Variants in DYNC2H1 observed in about 807,000 individuals in gnomAD.
DYNC2H1 encodes dynein cytoplasmic 2 heavy chain 1, also known as cytoplasmic dynein 2 heavy chain 1.
A neutral mutation model predicts 570.0 loss-of-function variants in DYNC2H1; 410 were observed. The ratio of observed to expected loss-of-function variants is 0.72; its 90% confidence interval spans 0.66 to 0.78. The LOEUF (loss-of-function observed/expected upper bound fraction) is 0.78. DYNC2H1 is among the 30% of genes least tolerant of loss of function. The probability of loss-of-function intolerance (pLI) is 0.00; values close to 1 mark genes in which losing one functional copy is unlikely to be tolerated. For missense variants in DYNC2H1, 4,865 were observed against 5,046.4 expected (o/e 0.96, Z 1.09); for synonymous variants, 1,688 against 1,677.6 (o/e 1.01, Z -0.15).
At chr11:103,360,107 C>G (rs565658410) in intron 83 of DYNC2H1, among the ~76,000 whole-genome samples, 13 of 152,096 alleles carry the variant, frequency 8.5e-5, no homozygotes, top group African/African-American at 2.9e-4. Flanking sequence ...ATCATAGGAA[C>G]ATTGAAGTAT....
At chr11:103,407,401 C>CTCTG (rs71066153) in intron 84 of DYNC2H1, 2 of 151,352 alleles carry the variant, frequency 1.3e-5, no homozygotes, top group Admixed American at 6.6e-5. Context: ...GGATTTAAAC[C>CTCTG]TTGTTTACTC....
chr11:103,383,849 GATAGGC>G (rs1459356057), intron 83 of DYNC2H1, among the ~76,000 whole-genome samples: 2 of 152,056 alleles, frequency 1.3e-5, no homozygotes, highest in Non-Finnish European at 2.9e-5. Context: ...CCCACAGCTT[GATAGGC>G]ATGTTTTCAT....
chr11:103,256,158 C>A lies in DYNC2H1; in HGVS notation c.10379C>A (p.Ser3460Tyr). Residue 3460 changes from serine (S) to tyrosine (Y), a missense_variant, in exon 68 of 89, where the codon TCT becomes TAT. Physicochemically the swap from Ser to Tyr is moderately radical, Grantham distance 144. Around this residue, in one of 5 missense-constraint regions of DYNC2H1, gnomAD observed 2,401 missense variants for 2,454.6 expected, o/e 0.98. Coordinates refer to ENST00000375735, the MANE Select transcript of DYNC2H1 (RefSeq NM_001377.3). The surrounding 1 kb of genome is among the most constrained non-coding windows in gnomAD (Gnocchi z 4.0). The part of the protein sequence containing the change: ...NILENKDLIE[S>Y]LNQTKASSAL... ...TTGGAAAATAAGGATTTGATTGAGTCTTTGAATCAGACAAAAGCAAGCAGT... is the reference window on the plus strand; with the variant it reads ...TTGGAAAATAAGGATTTGATTGAGTATTTGAATCAGACAAAAGCAAGCAGT... 6.2e-7 allele frequency: 1 copy of A among 1,608,720 alleles called. No individual in the cohort carries two copies. Among genetic ancestry groups the A allele is most frequent in the South Asian group, 1.1e-5 (1 of 90,250 alleles).
Position 103,280,292 on chromosome 11 carries a change from C to G in DYNC2H1, c.10696-56C>G, listed in dbSNP as rs771088446. 3 of 1,524,612 alleles carry G rather than the reference C, an allele frequency of 2.0e-6. No individual in the cohort carries two copies. The highest frequency in any genetic ancestry group is 2.7e-6 in the Non-Finnish European group (3 of 1,124,596). 94.4% of individuals were successfully genotyped at this position (1,524,612 alleles called of 1,614,324 possible). ...TGTGTGCCAAATTTTAACGACTATGCTTTTCCAAAGACACAAATTTTTAAA... is the reference window on the plus strand; with the variant it reads ...TGTGTGCCAAATTTTAACGACTATGGTTTTCCAAAGACACAAATTTTTAAA... On this transcript the variant is annotated intron_variant, in intron 70 of 88. Transcript: ENST00000375735. The surrounding 1 kb of genome is among the most constrained non-coding windows in gnomAD (Gnocchi z 4.7).
In DYNC2H1 at chr11:103,177,881, G is replaced by A; in HGVS notation, c.6139+61G>A. 6.6e-7 allele frequency: 1 copy of A among 1,514,578 alleles called. No homozygotes were observed. The highest frequency in any genetic ancestry group is 8.8e-7 in the Non-Finnish European group (1 of 1,131,896). The allele number at this position is 1,514,578 out of a possible 1,614,324, so 93.8% of individuals were successfully genotyped here. A position where few individuals can be genotyped will look rare whatever the true frequency, so the allele number is the denominator to read the frequency against. On this transcript the variant is annotated intron_variant, in intron 38 of 88. Transcript: ENST00000375735. The surrounding 1 kb of genome is among the most constrained non-coding windows in gnomAD (Gnocchi z 4.4). ...TAATTCTTAGATAATGATATAATTT[G>A]TCTATAATGCTGTCTTTGTCAAGAC...
intron 75 of DYNC2H1, among the ~76,000 whole-genome samples, chr11:103,301,623 C>T (rs1591545196): frequency 6.6e-6 from 1 of 151,940 alleles, no homozygotes; most frequent in East Asian, 1.9e-4. Flanking sequence ...TTAAGTGGCT[C>T]TTGGAGTAAA....
intron 82 of DYNC2H1, among the ~76,000 whole-genome samples, chr11:103,339,654 C>T (rs922569678): frequency 6.6e-6 from 1 of 152,100 alleles, no homozygotes; most frequent in Non-Finnish European, 1.5e-5. Context: ...GATGCATGTA[C>T]TCTTGTCATC....
intron 81 of DYNC2H1, among the ~76,000 whole-genome samples, chr11:103,323,471 AAT>A (rs3989921): frequency 0.44 from 64,846 of 148,366 alleles, 15,187 homozygotes; most frequent in Admixed American, 0.56. Context: ...TGAATATATA[AAT>A]ATATATATAT....
intron 82 of DYNC2H1, among the ~76,000 whole-genome samples, chr11:103,342,648 G>T (rs920715399): frequency 6.6e-6 from 1 of 151,784 alleles, no homozygotes; most frequent in Admixed American, 6.6e-5. Flanking sequence ...GACTACAGGC[G>T]CCCACCACCA....
intron 84 of DYNC2H1, among the ~76,000 whole-genome samples, chr11:103,427,840 C>T (rs569007754): frequency 6.6e-6 from 1 of 152,214 alleles, no homozygotes; most frequent in East Asian, 1.9e-4. Context: ...GGGACACACA[C>T]ATTCAGTCCA....
rs1944442757 is a variant in DYNC2H1, at chr11:103,446,976, A to T, written c.12457-8210A>T. Among the ~76,000 whole-genome samples the T allele has an allele frequency of 6.6e-6, 1 of 152,178 alleles. No homozygotes were observed. Among genetic ancestry groups the T allele is most frequent in the African/African-American group, 2.4e-5 (1 of 41,458 alleles). ...ACTGTGCCAAAAAGTAATTTTTAAT[A>T]ATCTTGTTTCCCATAGTGGTTCAGG... On this transcript the variant is annotated intron_variant, in intron 85 of 88. Transcript: ENST00000375735. This position sits in a 1 kb window ranked among gnomAD's most constrained non-coding sequence, Gnocchi z 4.5.
At chr11:103,354,184 A>T (rs1297537401) in intron 82 of DYNC2H1, among the ~76,000 whole-genome samples, 4 of 150,098 alleles carry the variant, frequency 2.7e-5, no homozygotes, top group African/African-American at 4.9e-5. Context: ...CTCAAAACAA[A>T]AAAAAAAAAA....
chr11:103,121,551 G>A (rs1858715066), intron 10 of DYNC2H1, 55 bp downstream of exon 10: 1 of 1,573,076 alleles, frequency 6.4e-7, no homozygotes, highest in South Asian at 1.2e-5. Flanking sequence ...GCTAAATTAA[G>A]GCATGTAGAA....
Position 103,369,320 on chromosome 11 carries a change from C to T in DYNC2H1, c.12156+10961C>T, listed in dbSNP as rs547385141. Among the ~76,000 whole-genome samples, 1 of 152,166 alleles carries T rather than the reference C, an allele frequency of 6.6e-6. No individual in the cohort carries two copies. The highest frequency in any genetic ancestry group is 1.5e-5 in the Non-Finnish European group (1 of 68,028). The stretch of plus-strand genomic sequence containing the variant: ...CTGGCGGCAGGAACCTGAGTTCTTG[C>T]AAGCCTCACCAAAGCAGGCGGAAGT... On this transcript the variant is annotated intron_variant, in intron 83 of 88. Transcript: ENST00000375735. The surrounding 1 kb of genome is among the most constrained non-coding windows in gnomAD (Gnocchi z 4.0).
intron 84 of DYNC2H1, among the ~76,000 whole-genome samples, chr11:103,418,144 A>G (rs1264829857): frequency 6.6e-6 from 1 of 151,612 alleles, no homozygotes; most frequent in Admixed American, 6.6e-5. Context: ...CTCCACTTCT[A>G]TTCAATGTTG....
chr11:103,186,651 G>C lies in DYNC2H1; in HGVS notation c.6893+150G>C. 8.8e-7 allele frequency: 1 copy of C among 1,134,374 alleles called. No homozygotes were observed. Among genetic ancestry groups the C allele is most frequent in the Non-Finnish European group, 1.2e-6 (1 of 833,678 alleles). The allele number at this position is 1,134,374 out of a possible 1,614,324, so 70.3% of individuals were successfully genotyped here. A position where few individuals can be genotyped will look rare whatever the true frequency, so the allele number is the denominator to read the frequency against. On this transcript the variant is annotated intron_variant, in intron 42 of 88. Transcript: ENST00000375735. The surrounding 1 kb of genome is among the most constrained non-coding windows in gnomAD (Gnocchi z 4.5). ...TTATTTTCATTACTTATAAAAATAAGAACTATGGGGAATAGTGTGTCCTTT... is the reference window on the plus strand; with the variant it reads ...TTATTTTCATTACTTATAAAAATAACAACTATGGGGAATAGTGTGTCCTTT...
At chr11:103,215,911 C>T in intron 55 of DYNC2H1, 53 bp downstream of exon 55, 3 of 1,559,020 alleles carry the variant, frequency 1.9e-6, no homozygotes, top group East Asian at 2.3e-5. Flanking sequence ...GCATTTATGC[C>T]TGATAGTCAG....
At chr11:103,285,113 T>C (rs551814585) in intron 73 of DYNC2H1, among the ~76,000 whole-genome samples, 4 of 152,340 alleles carry the variant, frequency 2.6e-5, no homozygotes, top group African/African-American at 7.2e-5. Flanking sequence ...TTGGATTTGA[T>C]ACTGTTTTAG....
intron 82 of DYNC2H1, among the ~76,000 whole-genome samples, chr11:103,337,821 T>C (rs956483772): frequency 6.6e-6 from 1 of 152,218 alleles, no homozygotes; most frequent in South Asian, 2.1e-4. Flanking sequence ...TATTTTCTCC[T>C]GTTCTTCAGA....
Sources: gnomAD v4.1 joint callset for allele counts (sites outside exome capture counted in the v4.1 genomes callset) on GRCh38, gnomAD v4.1.1 for gene constraint, gnomAD v4.1.1 regional missense constraint, Gnocchi (gnomAD v3.1) non-coding constraint, MANE v1.5 for transcripts, NCBI Gene and HGNC (gene_info 2026-07-23, HGNC 2026-07-21) for gene names.